Variants in RERGL observed in about 807,000 individuals in gnomAD.
RERGL encodes the protein ras-related and estrogen-regulated growth inhibitor-like protein.
Under a neutral mutation model 24.7 loss-of-function variants are expected in RERGL, and 22 were observed. That is an observed-to-expected ratio of 0.89 (90% CI 0.64 to 1.27). The LOEUF is 1.27. Ranked by LOEUF, RERGL falls within the 50% of genes most tolerant of loss-of-function variation. The pLI, the probability that RERGL is intolerant of heterozygous loss-of-function variation, is 0.00. For synonymous variants in RERGL, 76 were observed against 82.6 expected (o/e 0.92, Z 0.43); for missense variants, 259 against 235.3 (o/e 1.10, Z -0.66).
intron 1 of RERGL, chr12:18,089,184 C>T (rs1041546653): frequency 6.5e-7 from 1 of 1,526,958 alleles, no homozygotes; most frequent in Admixed American, 1.8e-5. Flanking sequence ...ACATCTAAAT[C>T]ACTATGCAGT....
chr12:18,081,597 G>C, intron 4 of RERGL, 124 bp from the exon 5 acceptor site: 1 of 852,124 alleles, frequency 1.2e-6, no homozygotes, highest in East Asian at 2.7e-5. Context: ...TTGTGTGTAT[G>C]TTACTTATGG....
intron 4 of RERGL, among the ~76,000 whole-genome samples, chr12:18,083,100 T>C (rs1947188524): frequency 6.6e-6 from 1 of 152,098 alleles, no homozygotes; most frequent in Non-Finnish European, 1.5e-5. Context: ...TTAAAAATGT[T>C]GCTAAGGTCT....
rs1193618461 is a variant in RERGL, at chr12:18,081,491, A to G, written c.333-18T>C. Reference sequence around the variant, plus strand: ...CCACAGCTCTGAAATAGAGATACACAATTTTTAGCAAGATTGTTTTAACAA... The same window carrying G: ...CCACAGCTCTGAAATAGAGATACACGATTTTTAGCAAGATTGTTTTAACAA... On this transcript the variant is annotated intron_variant, in intron 4 of 4. Coordinates refer to ENST00000538724, the MANE Select transcript of RERGL (RefSeq NM_001286201.2). The G allele has an allele frequency of 6.7e-7, 1 of 1,496,062 alleles. No individual in the cohort carries two copies. The allele number at this position is 1,496,062 out of a possible 1,614,324, so 92.7% of individuals were successfully genotyped here. A position where few individuals can be genotyped will look rare whatever the true frequency, so the allele number is the denominator to read the frequency against.
chr12:18,082,081 C>T (rs1020186065), intron 4 of RERGL, among the ~76,000 whole-genome samples: 47 of 149,928 alleles, frequency 3.1e-4, no homozygotes, highest in African/African-American at 1.1e-3. Flanking sequence ...CAGAGGTTGC[C>T]GTGAGCCAAG....
chr12:18,084,110 A>T (rs1367612436), intron 4 of RERGL, among the ~76,000 whole-genome samples: 1 of 152,222 alleles, frequency 6.6e-6, no homozygotes, highest in Non-Finnish European at 1.5e-5. Flanking sequence ...TAGATTGAAC[A>T]ACTCAGTGAC....
At chr12:18,089,446 G>C in intron 1 of RERGL, 1 of 1,182,854 alleles carries the variant, frequency 8.5e-7, no homozygotes. Flanking sequence ...CACAGCTCCT[G>C]GGTTTGGCCA....
chr12:18,082,756 T>G (rs1394744905), intron 4 of RERGL, among the ~76,000 whole-genome samples: 8 of 152,220 alleles, frequency 5.3e-5, no homozygotes, highest in Admixed American at 5.2e-4. Flanking sequence ...TTTATTGCTG[T>G]TTTTGCTCTG....
chr12:18,084,787 T>C (rs1047215653), intron 3 of RERGL, 122 bp from the exon 4 acceptor site: 10 of 684,216 alleles, frequency 1.5e-5, no homozygotes, highest in Admixed American at 9.7e-5. Context: ...TAAATATTGA[T>C]ATTTTCTAAA....
intron 3 of RERGL, 80 bp downstream of exon 3, chr12:18,085,540 C>T (rs1947210870): frequency 1.1e-6 from 1 of 927,394 alleles, no homozygotes; most frequent in Non-Finnish European, 1.7e-6. Context: ...TTCACTTACC[C>T]CCATATAATC....
chr12:18,089,741 G>A (rs918121997), intron 1 of RERGL, among the ~76,000 whole-genome samples: 1 of 152,068 alleles, frequency 6.6e-6, no homozygotes, highest in African/African-American at 2.4e-5. Flanking sequence ...GGGAACTAGT[G>A]GGTATAAGGC....
intron 4 of RERGL, among the ~76,000 whole-genome samples, chr12:18,081,895 C>A (rs969379920): frequency 1.8e-4 from 28 of 152,294 alleles, no homozygotes; most frequent in Admixed American, 7.8e-4. Context: ...AATCTCAGCA[C>A]TTTGGGAGGC....
chr12:18,085,641 T>C lies in RERGL; in HGVS notation c.162A>G (p.Glu54=). The change falls in exon 3 of 5, where the codon GAA becomes GAG. Residue 54 remains glutamate (E), a synonymous_variant. Coordinates refer to ENST00000538724, the MANE Select transcript of RERGL (RefSeq NM_001286201.2). Reference sequence around the variant, plus strand: ...TTACTTGAGAACAAGGGTCATATATTTCTAGATTTAGTTGTTTCCTTTCCA... The same window carrying C: ...TTACTTGAGAACAAGGGTCATATATCTCTAGATTTAGTTGTTTCCTTTCCA... ...LCLERKQLNL[E]IYDPCSQTQK... is the part of the protein sequence containing the mutation. The C allele has an allele frequency of 6.3e-7, 1 of 1,595,484 alleles. No homozygotes were observed. Among genetic ancestry groups the C allele is most frequent in the South Asian group, 1.1e-5 (1 of 89,042 alleles).
chr12:18,081,516 A>T, intron 4 of RERGL, 43 bp from the exon 5 acceptor site: 1 of 1,375,080 alleles, frequency 7.3e-7, no homozygotes, highest in South Asian at 1.7e-5. Context: ...TGTTTTAACA[A>T]CTCTTTTTTT....
intron 3 of RERGL, 38 bp from the exon 4 acceptor site, chr12:18,084,703 T>C: frequency 6.3e-7 from 1 of 1,575,340 alleles, no homozygotes; most frequent in Non-Finnish European, 8.6e-7. Context: ...TGGTGGGATC[T>C]AATACCTGTG....
chr12:18,081,284 G>T lies in RERGL; in HGVS notation c.522C>A (p.Asn174Lys), dbSNP rs776243362. Residue 174 changes from asparagine (N) to lysine (K), a missense_variant, in exon 5 of 5, where the codon AAC (asparagine) becomes AAA (lysine). Physicochemically the swap from Asn to Lys is moderately conservative, Grantham distance 94 (BLOSUM62 0). Transcript: ENST00000538724. ...FIRIIKDILI[N>K]FKLKEKRRPS... The stretch of plus-strand genomic sequence containing the variant: ...GACGTCTCTTTTCTTTGAGTTTGAA[G>T]TTTATCAGGATGTCCTTGATAATTC... 6.2e-7 allele frequency: 1 copy of T among 1,613,540 alleles called. No individual in the cohort carries two copies. The highest frequency in any genetic ancestry group is 1.7e-5 in the Admixed American group (1 of 60,006).
At chr12:18,089,166 A>G in intron 1 of RERGL, 5 of 1,402,834 alleles carry the variant, frequency 3.6e-6, no homozygotes, top group Middle Eastern at 4.9e-4. Flanking sequence ...GTGATCTTAA[A>G]GTGCTTCACA....
chr12:18,084,785 G>A (rs1482436825), intron 3 of RERGL, 120 bp from the exon 4 acceptor site: 1 of 685,090 alleles, frequency 1.5e-6, no homozygotes, highest in East Asian at 3.0e-5. Flanking sequence ...GTTAAATATT[G>A]ATATTTTCTA....
intron 1 of RERGL, chr12:18,089,402 T>C (rs1304641573): frequency 8.9e-6 from 12 of 1,346,458 alleles, no homozygotes; most frequent in Admixed American, 3.6e-5. Context: ...ATCCAGGAAA[T>C]AGAAAAAGAA....
intron 4 of RERGL, among the ~76,000 whole-genome samples, chr12:18,083,374 A>AACACTCTGAC (rs1288304991): frequency 6.6e-6 from 1 of 152,076 alleles, no homozygotes; most frequent in East Asian, 1.9e-4. Context: ...GATTACTCTG[A>AACACTCTGAC]TTTGAAGAAA....
Sources: gnomAD v4.1 joint callset for allele counts (sites outside exome capture counted in the v4.1 genomes callset) on GRCh38, gnomAD v4.1.1 for gene constraint, MANE v1.5 for transcripts, NCBI Gene and HGNC (gene_info 2026-07-23, HGNC 2026-07-21) for gene names.